The following PRIMA1 variants were observed in gnomAD, a reference collection of about 807,000 sequenced individuals.
The protein encoded by PRIMA1 is proline-rich membrane anchor 1.
A neutral mutation model predicts 17.5 loss-of-function variants in PRIMA1; 7 were observed. That is an observed-to-expected ratio of 0.40 (90% CI 0.23 to 0.75). PRIMA1 has a LOEUF of 0.75. PRIMA1 is among the 30% of genes least tolerant of loss of function. The probability of loss-of-function intolerance (pLI) is 0.37; values close to 1 mark genes in which losing one functional copy is unlikely to be tolerated. For missense variants in PRIMA1, 200 were observed against 201.8 expected (o/e 0.99, Z 0.05); for synonymous variants, 97 against 77.9 (o/e 1.25, Z -1.29).
At chr14:93,756,324 C>G (rs2076290203) in intron 3 of PRIMA1, among the ~76,000 whole-genome samples, 1 of 152,102 alleles carries the variant, frequency 6.6e-6, no homozygotes, top group Non-Finnish European at 1.5e-5. Context: ...GGCAGTGGCC[C>G]AGGCTGTGGC....
At chr14:93,746,674 G>C (rs372751305) in intron 3 of PRIMA1, among the ~76,000 whole-genome samples, 2 of 152,182 alleles carry the variant, frequency 1.3e-5, no homozygotes, top group African/African-American at 2.4e-5. Context: ...TGTGTGGCGT[G>C]GGGGAAGGGC....
chr14:93,779,340 G>C (rs538874779), intron 2 of PRIMA1, 29 bp from the exon 3 acceptor site: 10 of 1,527,240 alleles, frequency 6.5e-6, no homozygotes, highest in South Asian at 6.5e-5. Flanking sequence ...GTACCCAAGA[G>C]AGAGAGAAGA....
intron 3 of PRIMA1, among the ~76,000 whole-genome samples, chr14:93,763,979 C>T (rs1032408175): frequency 1.3e-5 from 2 of 152,228 alleles, no homozygotes; most frequent in African/African-American, 2.4e-5. Flanking sequence ...TCGGGATCTC[C>T]GTGTGTCACA....
intron 3 of PRIMA1, among the ~76,000 whole-genome samples, chr14:93,745,525 C>T (rs566727572): frequency 6.6e-6 from 1 of 152,360 alleles, no homozygotes; most frequent in South Asian, 2.1e-4. Flanking sequence ...TGGAGGCATC[C>T]AGCAGGGAGT....
intron 3 of PRIMA1, among the ~76,000 whole-genome samples, chr14:93,750,963 T>A (rs2076255663): frequency 6.6e-6 from 1 of 152,142 alleles, no homozygotes; most frequent in Admixed American, 6.5e-5. Flanking sequence ...GGATCCTGAC[T>A]TGGCCACACC....
At chr14:93,745,111 C>T (rs554890526) in intron 3 of PRIMA1, among the ~76,000 whole-genome samples, 1 of 152,278 alleles carries the variant, frequency 6.6e-6, no homozygotes, top group East Asian at 1.9e-4. Context: ...CATACTGCCT[C>T]CTGCATGCCA....
At chr14:93,730,518 G>A (rs1404266317) in intron 4 of PRIMA1, among the ~76,000 whole-genome samples, 2 of 152,118 alleles carry the variant, frequency 1.3e-5, no homozygotes, top group African/African-American at 2.4e-5. Flanking sequence ...GAAACCTCTG[G>A]AACCTGAACC....
chr14:93,754,058 T>C (rs1286099746), intron 3 of PRIMA1, among the ~76,000 whole-genome samples: 2 of 152,180 alleles, frequency 1.3e-5, no homozygotes, highest in Non-Finnish European at 2.9e-5. Context: ...ATGCTTAAGG[T>C]TTCAGAAAAT....
At chr14:93,749,508 A>G (rs2076247465) in intron 3 of PRIMA1, among the ~76,000 whole-genome samples, 1 of 152,230 alleles carries the variant, frequency 6.6e-6, no homozygotes, top group Non-Finnish European at 1.5e-5. Context: ...CAGCTCACCG[A>G]GACACTTAAC....
intron 2 of PRIMA1, among the ~76,000 whole-genome samples, chr14:93,781,072 G>T (rs1885364404): frequency 6.6e-6 from 1 of 152,350 alleles, no homozygotes; most frequent in Non-Finnish European, 1.5e-5. Flanking sequence ...ATGTCCGCTG[G>T]GGTGGCAGCG....
chr14:93,725,993 A>G (rs1385933295), intron 4 of PRIMA1: 7 of 456,434 alleles, frequency 1.5e-5, no homozygotes, highest in Non-Finnish European at 3.1e-5. Flanking sequence ...AGGGCTCCCT[A>G]GATGGCATGG....
Position 93,720,773 on chromosome 14 carries a change from T to C in PRIMA1, c.*671A>G, listed in dbSNP as rs778130288. On this transcript the variant is annotated 3_prime_UTR_variant, in exon 5 of 5. Coordinates refer to ENST00000393140, the MANE Select transcript of PRIMA1 (RefSeq NM_178013.4). ...CTGCCCCCGAGTGTAAACGCACTCCTGTGTCTGCTCAGGAGGGGATTCTGC... is the reference window on the plus strand; with the variant it reads ...CTGCCCCCGAGTGTAAACGCACTCCCGTGTCTGCTCAGGAGGGGATTCTGC... 6.6e-6 allele frequency: 1 copy of C among 152,426 alleles called. No homozygotes were observed. The highest frequency in any genetic ancestry group is 2.4e-5 in the African/African-American group (1 of 41,466). 9.4% of individuals were successfully genotyped at this position (152,426 alleles called of 1,614,324 possible).
At chr14:93,724,278 G>C (rs746265711) in intron 4 of PRIMA1, among the ~76,000 whole-genome samples, 5 of 152,188 alleles carry the variant, frequency 3.3e-5, no homozygotes, top group Admixed American at 2.0e-4. Flanking sequence ...CAAGAAAACT[G>C]TCTCCTTTTG....
intron 3 of PRIMA1, among the ~76,000 whole-genome samples, chr14:93,756,997 G>A (rs544920005): frequency 6.6e-6 from 1 of 152,318 alleles, no homozygotes; most frequent in East Asian, 1.9e-4. Flanking sequence ...TCCTTCAAAG[G>A]CTTCTTACCA....
intron 3 of PRIMA1, among the ~76,000 whole-genome samples, chr14:93,767,633 T>C (rs117255031): frequency 0.015 from 2,265 of 152,262 alleles, 23 homozygotes; most frequent in Non-Finnish European, 0.023. Flanking sequence ...AGCTAGCCCT[T>C]GAGCCCAAAG....
intron 3 of PRIMA1, among the ~76,000 whole-genome samples, chr14:93,745,786 T>C (rs1315294270): frequency 1.3e-5 from 2 of 152,240 alleles, no homozygotes; most frequent in Non-Finnish European, 2.9e-5. Flanking sequence ...GCACAGTGGT[T>C]ATCCACACGG....
At chr14:93,774,395 C>T (rs1885150160) in intron 3 of PRIMA1, among the ~76,000 whole-genome samples, 1 of 152,120 alleles carries the variant, frequency 6.6e-6, no homozygotes, top group Non-Finnish European at 1.5e-5. Context: ...GAAGGACGCC[C>T]TGCAAACGTT....
Position 93,721,068 on chromosome 14 carries a change from T to C in PRIMA1, c.*376A>G, listed in dbSNP as rs2076034348. The C allele has an allele frequency of 1.1e-5, 2 of 184,376 alleles. No individual in the cohort carries two copies. Among genetic ancestry groups the C allele is most frequent in the Non-Finnish European group, 2.3e-5 (2 of 88,718 alleles). The allele number at this position is 184,376 out of a possible 1,614,324, so 11.4% of individuals were successfully genotyped here. A position where few individuals can be genotyped will look rare whatever the true frequency, so the allele number is the denominator to read the frequency against. On this transcript the variant is annotated 3_prime_UTR_variant, in exon 5 of 5. Coordinates refer to ENST00000393140, the MANE Select transcript of PRIMA1 (RefSeq NM_178013.4). ...GGAGTGGGCTCCGGACCATCTTTCT[T>C]TTGGCTAAAGGGGGAAGCCTCCCTG...
intron 4 of PRIMA1, among the ~76,000 whole-genome samples, chr14:93,722,768 C>CGATGAT (rs2076050133): frequency 6.8e-6 from 1 of 146,198 alleles, no homozygotes; most frequent in Non-Finnish European, 1.6e-5. Flanking sequence ...GTGATGATGG[C>CGATGAT]GGTGATGATG....
Sources: allele counts gnomAD v4.1 joint callset (sites outside exome capture counted in the v4.1 genomes callset), GRCh38; gene constraint gnomAD v4.1.1; transcripts MANE v1.5; gene names NCBI Gene and HGNC (gene_info 2026-07-23, HGNC 2026-07-21).